Variants in THSD7B observed in about 807,000 individuals in gnomAD.
THSD7B encodes the protein thrombospondin type 1 domain containing 7B, also known as thrombospondin type-1 domain-containing protein 7B.
Under a neutral mutation model 213.6 loss-of-function variants are expected in THSD7B, and 138 were observed. The observed-to-expected ratio is 0.65, with a 90% CI of 0.56 to 0.74. THSD7B has a LOEUF of 0.74. Ranked by LOEUF, THSD7B falls within the 30% of genes least tolerant of loss-of-function variation. The pLI, the probability that THSD7B is intolerant of heterozygous loss-of-function variation, is 0.00. For synonymous variants in THSD7B, 742 were observed against 687.0 expected (o/e 1.08, Z -1.25); for missense variants, 1,931 against 1,991.5 (o/e 0.97, Z 0.58).
chr2:137,398,895 G>A (rs1469280254), intron 12 of THSD7B, among the ~76,000 whole-genome samples: 1 of 152,212 alleles, frequency 6.6e-6, no homozygotes, highest in East Asian at 1.9e-4. Flanking sequence ...TGTCAGAAAA[G>A]CGCAATATTC....
At chr2:137,585,865 C>T (rs1422223535) in intron 17 of THSD7B, among the ~76,000 whole-genome samples, 2 of 152,178 alleles carry the variant, frequency 1.3e-5, no homozygotes, top group African/African-American at 2.4e-5. Context: ...CCGCTTGGTG[C>T]AGAGCTGAGT....
At chr2:137,120,877 C>T (rs1266777581) in intron 5 of THSD7B, among the ~76,000 whole-genome samples, 1 of 152,208 alleles carries the variant, frequency 6.6e-6, no homozygotes, top group African/African-American at 2.4e-5. Flanking sequence ...TTTAAATCCC[C>T]ACTCTTTTTG....
At chr2:137,404,163 A>C (rs543570183) in intron 12 of THSD7B, among the ~76,000 whole-genome samples, 1 of 152,146 alleles carries the variant, frequency 6.6e-6, no homozygotes, top group East Asian at 1.9e-4. Context: ...TATTATTTTA[A>C]GGAACGACTA....
chr2:136,872,814 CAAA>C (rs60759275), intron 1 of THSD7B, among the ~76,000 whole-genome samples: 9 of 65,540 alleles, frequency 1.4e-4, no homozygotes, highest in East Asian at 7.3e-4. Context: ...ACTGAAAATA[CAAA>C]AAAAAAAAAA....
intron 27 of THSD7B, among the ~76,000 whole-genome samples, chr2:137,672,443 C>T (rs56257786): frequency 0.15 from 23,184 of 152,156 alleles, 2,361 homozygotes; most frequent in Middle Eastern, 0.25. Flanking sequence ...ACTCTTTAGA[C>T]TCAACATAAT....
At chr2:136,935,073 T>A (rs1684698975) in intron 2 of THSD7B, among the ~76,000 whole-genome samples, 3 of 152,164 alleles carry the variant, frequency 2.0e-5, no homozygotes. Flanking sequence ...ATTATGAGAA[T>A]AGGATCATGG....
intron 5 of THSD7B, among the ~76,000 whole-genome samples, chr2:137,120,620 T>C (rs1433331722): frequency 1.3e-5 from 2 of 152,168 alleles, no homozygotes; most frequent in Admixed American, 1.3e-4. Context: ...TCTTTGCTTA[T>C]ATCTTGAACC....
At chr2:136,906,371 A>C (rs1170454331) in intron 2 of THSD7B, 1 of 152,200 alleles carries the variant, frequency 6.6e-6, no homozygotes, top group Non-Finnish European at 1.5e-5. Context: ...CTATACATCT[A>C]TATCCATTTA....
intron 1 of THSD7B, among the ~76,000 whole-genome samples, chr2:136,788,924 G>A (rs1404887827): frequency 2.0e-5 from 3 of 152,016 alleles, no homozygotes; most frequent in African/African-American, 2.4e-5. Flanking sequence ...GGAAGTTTCC[G>A]GATATAGGTT....
At chr2:137,359,032 T>G (rs1367691046) in intron 12 of THSD7B, among the ~76,000 whole-genome samples, 4 of 152,212 alleles carry the variant, frequency 2.6e-5, no homozygotes, top group African/African-American at 9.6e-5. Flanking sequence ...CAGATACGCT[T>G]TATCTGTAGA....
At chr2:136,852,876 C>G (rs1475795507) in intron 1 of THSD7B, among the ~76,000 whole-genome samples, 2 of 152,070 alleles carry the variant, frequency 1.3e-5, no homozygotes, top group Admixed American at 6.6e-5. Context: ...TGTGTTTTGG[C>G]ATTTCCATTA....
intron 17 of THSD7B, among the ~76,000 whole-genome samples, chr2:137,602,543 C>T (rs140545340): frequency 0.02 from 2,995 of 152,254 alleles, 44 homozygotes; most frequent in Middle Eastern, 0.071. Flanking sequence ...GCTGGGATTA[C>T]AGGCGTGAGC....
At chr2:137,521,538 C>T (rs1258676578) in intron 15 of THSD7B, among the ~76,000 whole-genome samples, 2 of 152,180 alleles carry the variant, frequency 1.3e-5, no homozygotes, top group East Asian at 3.9e-4. Context: ...TCTTGTTGGA[C>T]TCTTTCTCTT....
chr2:136,847,309 T>G (rs561220938), intron 1 of THSD7B, among the ~76,000 whole-genome samples: 2 of 152,162 alleles, frequency 1.3e-5, no homozygotes, highest in Non-Finnish European at 2.9e-5. Flanking sequence ...TGGAAGTGAA[T>G]ATGCATTAAG....
At chr2:137,559,874 A>G (rs533757981) in intron 15 of THSD7B, among the ~76,000 whole-genome samples, 8 of 152,326 alleles carry the variant, frequency 5.3e-5, no homozygotes, top group African/African-American at 1.7e-4. Flanking sequence ...ACAGGAAAGA[A>G]ACAGCCCCAT....
chr2:137,220,006 A>G (rs1302388899), intron 7 of THSD7B, among the ~76,000 whole-genome samples: 2 of 152,202 alleles, frequency 1.3e-5, no homozygotes, highest in Admixed American at 1.3e-4. Flanking sequence ...ATACTAGGAC[A>G]CACTGGTTGG....
At chr2:137,013,237 A>AAT (rs1686263338) in intron 2 of THSD7B, among the ~76,000 whole-genome samples, 1 of 152,218 alleles carries the variant, frequency 6.6e-6, no homozygotes, top group Admixed American at 6.5e-5. Flanking sequence ...AAATTGACAA[A>AAT]ATATATGAAA....
chr2:137,250,524 G>A (rs1429557258), intron 10 of THSD7B, among the ~76,000 whole-genome samples: 2 of 152,076 alleles, frequency 1.3e-5, no homozygotes, highest in Admixed American at 1.3e-4. Flanking sequence ...TAGAGCCCAA[G>A]GTTGCAAAAC....
At chr2:137,541,143 C>A (rs1680602442) in intron 15 of THSD7B, among the ~76,000 whole-genome samples, 1 of 151,596 alleles carries the variant, frequency 6.6e-6, no homozygotes, top group Non-Finnish European at 1.5e-5. Context: ...ACATGACAAA[C>A]AACATACATA....
Sources: allele counts gnomAD v4.1 joint callset (sites outside exome capture counted in the v4.1 genomes callset), GRCh38; gene constraint gnomAD v4.1.1; transcripts MANE v1.5; gene names NCBI Gene and HGNC (gene_info 2026-07-23, HGNC 2026-07-21).